The following SLC26A9 variants were observed in gnomAD, a reference collection of about 807,000 sequenced individuals.
The protein encoded by SLC26A9 is anion transporter/exchanger protein 9.
A neutral mutation model predicts 87.1 loss-of-function variants in SLC26A9; 46 were observed. That is an observed-to-expected ratio of 0.53 (90% CI 0.42 to 0.67). The LOEUF is 0.67. Ranked by LOEUF, SLC26A9 falls within the 30% of genes least tolerant of loss-of-function variation. The pLI is 0.00. For missense variants in SLC26A9, 927 were observed against 1,018.3 expected, an observed-to-expected ratio of 0.91 and a Z score of 1.22; for synonymous variants, 437 against 409.1, an observed-to-expected ratio of 1.07 and a Z score of -0.82.
At chr1:205,936,011 G>A (rs1002123106) in intron 1 of SLC26A9, among the ~76,000 whole-genome samples, 173 bp from the exon 2 acceptor site, 7 of 152,152 alleles carry the variant, frequency 4.6e-5, no homozygotes, top group Non-Finnish European at 1.0e-4. Context: ...CTCCCTGCTC[G>A]CAGTGGCCTT....
At chr1:205,915,545 TGTGCGAGA>T in intron 20 of SLC26A9, 141 bp from the exon 21 acceptor site, 4 of 833,418 alleles carry the variant, frequency 4.8e-6, no homozygotes, top group African/African-American at 1.6e-5. Flanking sequence ...TGTGTGTGTG[TGTGCGAGA>T]GTGTGTGTGA....
chr1:205,917,384 G>A (rs765416836), intron 19 of SLC26A9, 30 bp from the exon 20 acceptor site: 3 of 1,612,674 alleles, frequency 1.9e-6, no homozygotes, highest in East Asian at 2.2e-5. Flanking sequence ...TGCAGAATGA[G>A]CTTCAGTGAC....
chr1:205,921,996 G>A (rs1057030308), intron 16 of SLC26A9, 149 bp from the exon 17 acceptor site: 8 of 1,116,288 alleles, frequency 7.2e-6, no homozygotes, highest in Admixed American at 2.7e-5. Context: ...CTCCACCAGA[G>A]AGGCCTCTCC....
Position 205,920,201 on chromosome 1 carries a change from C to T in SLC26A9, c.2085G>A (p.Val695=), listed in dbSNP as rs16856470. 113,453 of 1,613,834 alleles carry T rather than the reference C, an allele frequency of 0.07. 4,294 individuals are homozygous for T. Among genetic ancestry groups the T allele is most frequent in the Middle Eastern group, 0.14 (820 of 6,056 alleles). Residue 695 remains valine, a synonymous_variant, in exon 18 of 21, where the codon GTG becomes GTA. Coordinates refer to ENST00000367135, the MANE Select transcript of SLC26A9 (RefSeq NM_052934.4). ...CATGGATGTTCACCAAGAAGACCTT[C>T]ACGCCGATCTTCCCATAGGTGGAGC... is the stretch of plus-strand genomic sequence containing the variant. The part of the protein sequence containing the change: ...KLSSTYGKIG[V]KVFLVNIHAQ...
chr1:205,914,848 A>AG lies in SLC26A9; in HGVS notation c.*508dup. 1 of 1,570,946 alleles carries AG rather than the reference A, an allele frequency of 6.4e-7. No individual in the cohort carries two copies. Among genetic ancestry groups the AG allele is most frequent in the Non-Finnish European group, 8.7e-7 (1 of 1,155,858 alleles). On this transcript the variant is annotated 3_prime_UTR_variant, in exon 21 of 21. Transcript: ENST00000367135. ...TGCAGAGCTGCCAGAGACAGAGTTGAGGCAGCTGGGGAAGGCAAGCCAGAG... is the reference window on the plus strand; with the variant it reads ...TGCAGAGCTGCCAGAGACAGAGTTGAGGGCAGCTGGGGAAGGCAAGCCAGAG...
chr1:205,928,517 G>T, intron 8 of SLC26A9: 1 of 474,096 alleles, frequency 2.1e-6, no homozygotes, highest in East Asian at 3.8e-5. Flanking sequence ...CATGGACAAA[G>T]AACCAATGCA....
chr1:205,926,798 C>T (rs9438404), intron 11 of SLC26A9, among the ~76,000 whole-genome samples, 168 bp from the exon 12 acceptor site: 7,266 of 152,250 alleles, frequency 0.048, 364 homozygotes, highest in African/African-American at 0.13. Flanking sequence ...AAAGTGCTGG[C>T]GTTAGAGCCA....
At position 205,929,212 on chromosome 1, in the gene SLC26A9, T is replaced by A; in HGVS notation, c.862A>T (p.Met288Leu). The change falls in exon 7 of 21, where the codon ATG becomes TTG. Residue 288 changes from methionine to leucine, a missense_variant. Transcript: ENST00000367135. The stretch of plus-strand genomic sequence containing the variant: ...CTGAACAAGGTCCTTACCACAATCA[T>A]CTCTGTAGGGATGGGGAAGCGAATC... ...HKIRFPIPTE[M>L]IVVVVATAIS... 1 of 1,613,972 alleles carries A rather than the reference T, an allele frequency of 6.2e-7. No individual in the cohort carries two copies. Among genetic ancestry groups the A allele is most frequent in the Admixed American group, 1.7e-5 (1 of 59,992 alleles).
chr1:205,926,914 T>C (rs369295150), intron 11 of SLC26A9, among the ~76,000 whole-genome samples: 1 of 152,126 alleles, frequency 6.6e-6, no homozygotes, highest in African/African-American at 2.4e-5. Flanking sequence ...CTGGTACTCG[T>C]GGGTAGGTGC....
chr1:205,931,465 G>GTTTTGTTTTTTTTT (rs1659300575), intron 5 of SLC26A9, among the ~76,000 whole-genome samples: 1 of 96,012 alleles, frequency 1.0e-5, no homozygotes, highest in Non-Finnish European at 2.0e-5. Flanking sequence ...CCCTAACTTG[G>GTTTTGTTTTTTTTT]TTTTTTTTTT....
At chr1:205,930,841 C>T (rs781036770) in intron 5 of SLC26A9, among the ~76,000 whole-genome samples, 24 of 152,166 alleles carry the variant, frequency 1.6e-4, no homozygotes, top group Non-Finnish European at 3.2e-4. Context: ...GGTGGAGTGT[C>T]ACCTCCTCTT....
intron 12 of SLC26A9, among the ~76,000 whole-genome samples, chr1:205,925,038 C>T (rs1659009928): frequency 6.6e-6 from 1 of 152,234 alleles, no homozygotes; most frequent in Non-Finnish European, 1.5e-5. Context: ...AAGCGATCCT[C>T]CTGCCTCAGC....
In SLC26A9 at chr1:205,939,953, C is replaced by T. The variant is rs566820194; in HGVS notation, c.-19+3412G>A. 3.9e-5 allele frequency among the ~76,000 whole-genome samples: 6 copies of T among 152,300 alleles called. No individual in the cohort carries two copies. The South Asian group carries it at 1.0e-3, about 26-fold the overall frequency. ...CCTCCACTGCCTTCCATCCCCCTAC[C>T]GGGCCAGGGATAAATAGCAGGTGCC... On this transcript the variant is annotated intron_variant, in intron 1 of 20. Coordinates refer to ENST00000367135, the MANE Select transcript of SLC26A9 (RefSeq NM_052934.4).
chr1:205,920,468 G>A lies in SLC26A9; in HGVS notation c.2056-238C>T, dbSNP rs571436950. Among the ~76,000 whole-genome samples, 11 of 152,280 alleles carry A rather than the reference G, an allele frequency of 7.2e-5. No individual in the cohort carries two copies. In the East Asian group the frequency reaches 2.1e-3, roughly 29 times the overall value. On this transcript the variant is annotated intron_variant, in intron 17 of 20. Transcript: ENST00000367135. ...TTTGCCAACGTGGCGGGCACTTAAA[G>A]TCACCATGGCCCCTTCTTGTGGGGC...
In SLC26A9 at chr1:205,914,573, A is replaced by C. The variant is rs1248999288; in HGVS notation, c.*784T>G. 1.7e-5 allele frequency: 5 copies of C among 295,244 alleles called. No individual in the cohort carries two copies. The highest frequency in any genetic ancestry group is 3.2e-5 in the Non-Finnish European group (5 of 157,046). The allele number at this position is 295,244 out of a possible 1,614,324, so 18.3% of individuals were successfully genotyped here. On this transcript the variant is annotated 3_prime_UTR_variant, in exon 21 of 21. Transcript: ENST00000367135. ...ACCCATCCCCCTCTTTGGGGTTTCT[A>C]GCCAGCCTCCAGGGGAAGGGAGCAG...
chr1:205,932,605 G>T, intron 4 of SLC26A9, 97 bp downstream of exon 4: 1 of 1,030,068 alleles, frequency 9.7e-7, no homozygotes, highest in Non-Finnish European at 1.4e-6. Flanking sequence ...AACAACTCCA[G>T]GAGAATGCAG....
At chr1:205,933,363 C>T (rs997879697) in intron 2 of SLC26A9, among the ~76,000 whole-genome samples, 7 of 152,124 alleles carry the variant, frequency 4.6e-5, no homozygotes, top group Admixed American at 2.6e-4. Flanking sequence ...GCTCAGCCTT[C>T]GGAGGTATCA....
Position 205,915,400 on chromosome 1 carries a change from A to G in SLC26A9, c.2333T>C (p.Met778Thr), listed in dbSNP as rs1485461124. 1.9e-6 allele frequency: 3 copies of G among 1,613,994 alleles called. No individual in the cohort carries two copies. Among genetic ancestry groups the G allele is most frequent in the African/African-American group, 1.3e-5 (1 of 75,026 alleles). The change falls in exon 21 of 21, where the codon ATG becomes ACG. Residue 778 changes from methionine to threonine, a missense_variant. Coordinates refer to ENST00000367135, the MANE Select transcript of SLC26A9 (RefSeq NM_052934.4). ...CTCTGCGTGAAACATGCTCCCGAACATCTCCTGCAGGAACCACAGGAAGGA... is the reference window on the plus strand; with the variant it reads ...CTCTGCGTGAAACATGCTCCCGAACGTCTCCTGCAGGAACCACAGGAAGGA... Reference protein sequence around the residue: ...IRSYWDLEQEMFGSMFHAETL... With the variant: ...IRSYWDLEQETFGSMFHAETL...
rs1658455762 is a variant in SLC26A9 at position 205,913,551 on chromosome 1, G to T, written c.*1806C>A. ...GGACTCTGACTTGGAAATTCCTGAG[G>T]CTCTGTGACCTTCTCCCACCTCCTG... On this transcript the variant is annotated 3_prime_UTR_variant, in exon 21 of 21. Transcript: ENST00000367135. 1 of 152,674 alleles carries T rather than the reference G, an allele frequency of 6.5e-6. No homozygotes were observed. The highest frequency in any genetic ancestry group is 1.5e-5 in the Non-Finnish European group (1 of 68,078). The allele number at this position is 152,674 out of a possible 1,614,324, so 9.5% of individuals were successfully genotyped here.
Sources: allele counts gnomAD v4.1 joint callset (sites outside exome capture counted in the v4.1 genomes callset), GRCh38; gene constraint gnomAD v4.1.1; transcripts MANE v1.5; gene names NCBI Gene and HGNC (gene_info 2026-07-23, HGNC 2026-07-21).